Variants in CPZ observed in about 807,000 individuals in gnomAD.
The protein encoded by CPZ is carboxypeptidase Z.
CPZ carries 103 observed loss-of-function variants against 61.8 expected under a neutral mutation model. The observed-to-expected ratio is 1.67, with a 90% confidence interval of 1.42 to 1.96. CPZ has a LOEUF of 1.96. Among genes scored for constraint, CPZ ranks in the 30% most tolerant of loss-of-function variants. CPZ has a pLI of 0.00. For synonymous variants in CPZ, 551 were observed against 373.7 expected (o/e 1.47, Z -5.47); for missense variants, 1,461 against 914.9 (o/e 1.60, Z -7.70).
At chr4:8,612,308 G>C in intron 8 of CPZ, 146 bp downstream of exon 8, 1 of 708,418 alleles carries the variant, frequency 1.4e-6, no homozygotes, top group East Asian at 2.9e-5. Flanking sequence ...TGGTGGAGAG[G>C]AGGCTGGCGT....
At chr4:8,614,067 A>T (rs1485675655) in intron 8 of CPZ, among the ~76,000 whole-genome samples, 1 of 152,184 alleles carries the variant, frequency 6.6e-6, no homozygotes, top group Non-Finnish European at 1.5e-5. Flanking sequence ...GCCTCTTCCC[A>T]TTGCGGGACC....
At chr4:8,607,246 G>A (rs991264856) in intron 6 of CPZ, 21 bp from the exon 7 acceptor site, 13 of 1,611,386 alleles carry the variant, frequency 8.1e-6, no homozygotes, top group African/African-American at 2.7e-5. Context: ...CCCTGAGGGC[G>A]GCCTCGTCTG....
chr4:8,606,308 C>T (rs1056491977), intron 5 of CPZ, 123 bp downstream of exon 5: 4 of 989,694 alleles, frequency 4.0e-6, no homozygotes, highest in Admixed American at 5.3e-5. Context: ...GAGCATTCAG[C>T]AGGTGTCGAT....
At chr4:8,618,554 G>C (rs1313219839) in intron 10 of CPZ, 26 bp downstream of exon 10, 4 of 1,604,130 alleles carry the variant, frequency 2.5e-6, no homozygotes, top group Non-Finnish European at 3.4e-6. Context: ...GCTGTCCCCT[G>C]GGGACCACGT....
Position 8,604,156 on chromosome 4 carries a change from A to T in CPZ, c.677A>T (p.Glu226Val). 6.3e-7 allele frequency: 1 copy of T among 1,579,360 alleles called. No individual in the cohort carries two copies. The highest frequency in any genetic ancestry group is 2.3e-5 in the East Asian group (1 of 42,994). The change falls in exon 4 of 11, where the codon GAG (glutamate) becomes GTG (valine). Residue 226 changes from glutamate to valine, a missense_variant. Physicochemically the swap from Glu to Val is moderately radical, Grantham distance 121 (BLOSUM62 -2). Transcript: ENST00000360986. ...GACGGCAGGGAGCTGCTGGTCATCG[A>T]GTTCTCCAGCCGCCCCGGCCAGCAC... is the stretch of plus-strand genomic sequence containing the variant. ...SFDGRELLVI[E>V]FSSRPGQHEL...
At chr4:8,618,650 C>T (rs906849690) in intron 10 of CPZ, 122 bp downstream of exon 10, 17 of 913,806 alleles carry the variant, frequency 1.9e-5, no homozygotes, top group East Asian at 2.6e-5. Flanking sequence ...CTCCATTCCT[C>T]CCCAGGCTGG....
In CPZ at chr4:8,599,435, C is replaced by T; in HGVS notation, c.89-18C>T. ...ATGGCGAGGCAGGTCCCTAACAGTG[C>T]CATGTCTCTCTTTCCAGGTGAATGC... On this transcript the variant is annotated intron_variant, in intron 1 of 10. Coordinates refer to ENST00000360986, the MANE Select transcript of CPZ (RefSeq NM_001014447.3). 1.2e-6 allele frequency: 2 copies of T among 1,603,694 alleles called. No homozygotes were observed. Among genetic ancestry groups the T allele is most frequent in the Non-Finnish European group, 1.7e-6 (2 of 1,173,880 alleles).
intron 1 of CPZ, among the ~76,000 whole-genome samples, chr4:8,598,676 C>T (rs780648691): frequency 9.9e-5 from 15 of 152,258 alleles, no homozygotes; most frequent in African/African-American, 3.6e-4. Context: ...GGGTTCCCCG[C>T]CTTGGATGCG....
chr4:8,600,111 G>A (rs1404888185), intron 2 of CPZ: 1 of 152,130 alleles, frequency 6.6e-6, no homozygotes, highest in African/African-American at 2.4e-5. Flanking sequence ...AATGACATAT[G>A]TAAAATGTCT....
chr4:8,609,087 CCCAT>C (rs1294110576), intron 7 of CPZ, among the ~76,000 whole-genome samples: 602 of 16,676 alleles, frequency 0.036, 11 homozygotes, highest in Non-Finnish European at 0.063. Flanking sequence ...CATACATTCA[CCCAT>C]TCACTCACTC....
intron 3 of CPZ, 135 bp downstream of exon 3, chr4:8,601,632 C>T (rs1028827083): frequency 1.0e-5 from 10 of 961,200 alleles, no homozygotes; most frequent in Non-Finnish European, 1.3e-5. Context: ...GGCGGGGCTG[C>T]TCCCCGAGGC....
intron 2 of CPZ, chr4:8,600,889 C>G: frequency 7.9e-7 from 1 of 1,262,084 alleles, no homozygotes; most frequent in Non-Finnish European, 1.0e-6. Flanking sequence ...GGGCAGCCTG[C>G]TGCGGCTGGC....
chr4:8,616,699 C>T (rs1279484213), intron 9 of CPZ, among the ~76,000 whole-genome samples: 1 of 152,134 alleles, frequency 6.6e-6, no homozygotes, highest in African/African-American at 2.4e-5. Context: ...GGTGGGGTGG[C>T]TGAGGGGCAT....
At chr4:8,599,249 C>T (rs1242132824) in intron 1 of CPZ, among the ~76,000 whole-genome samples, 2 of 152,216 alleles carry the variant, frequency 1.3e-5, no homozygotes, top group Non-Finnish European at 2.9e-5. Flanking sequence ...GTCATGTGAC[C>T]TCTCAGACGC....
chr4:8,613,522 T>C (rs571340180), intron 8 of CPZ, among the ~76,000 whole-genome samples: 2 of 152,296 alleles, frequency 1.3e-5, no homozygotes, highest in African/African-American at 4.8e-5. Context: ...GTGGCTACAC[T>C]GGGGTCTGGG....
intron 7 of CPZ, chr4:8,611,269 G>A (rs1382333386): frequency 2.2e-6 from 1 of 456,260 alleles, no homozygotes; most frequent in South Asian, 1.5e-5. Flanking sequence ...CTCTGCCCAA[G>A]GTCAGTCTGG....
At chr4:8,604,238 TG>T (rs1714781656) in intron 4 of CPZ, 50 bp downstream of exon 4, 1 of 1,467,996 alleles carries the variant, frequency 6.8e-7, no homozygotes, top group African/African-American at 1.4e-5. Flanking sequence ...GGAAAGGGCT[TG>T]GGCCGCTCCA....
At chr4:8,618,149 T>C (rs1716358071) in intron 9 of CPZ, 2 of 446,052 alleles carry the variant, frequency 4.5e-6, no homozygotes, top group East Asian at 4.4e-5. Context: ...CTCTGCTCAA[T>C]GCCCATAGAG....
Position 8,618,417 on chromosome 4 carries a change from T to G in CPZ, c.1504-12T>G. ...TCACGCCATCTCCCTGGCCTCCCCT[T>G]GGTCTCTTCAGGTGCACCGGGGCAT... On this transcript the variant is annotated splice_polypyrimidine_tract_variant and intron_variant, in intron 9 of 10. Coordinates refer to ENST00000360986, the MANE Select transcript of CPZ (RefSeq NM_001014447.3). 1 of 1,613,710 alleles carries G rather than the reference T, an allele frequency of 6.2e-7. No homozygotes were observed. Among genetic ancestry groups the G allele is most frequent in the Non-Finnish European group, 8.5e-7 (1 of 1,179,728 alleles).
Sources: gnomAD v4.1 joint callset for allele counts (sites outside exome capture counted in the v4.1 genomes callset) on GRCh38, gnomAD v4.1.1 for gene constraint, MANE v1.5 for transcripts, NCBI Gene and HGNC (gene_info 2026-07-23, HGNC 2026-07-21) for gene names.